The following TMEM272 variants were observed in gnomAD, a reference collection of about 807,000 sequenced individuals.
TMEM272 encodes transmembrane protein 272, also known as long intergenic non-protein coding RNA 282.
TMEM272 carries 8 observed loss-of-function variants against 3.7 expected under a neutral mutation model. That is an observed-to-expected ratio of 2.17 (90% CI 1.27 to 3.91). The LOEUF is 3.91. TMEM272 is among the 30% of genes most tolerant of loss of function. The pLI is 0.00. For synonymous variants in TMEM272, 63 were observed against 39.8 expected (o/e 1.58, Z -2.20); for missense variants, 166 against 91.5 (o/e 1.81, Z -3.32).
intron 4 of TMEM272, among the ~76,000 whole-genome samples, chr13:51,818,106 C>T (rs572896033): frequency 1.5e-4 from 23 of 152,308 alleles, no homozygotes; most frequent in African/African-American, 5.5e-4. Context: ...ACCCATCTCT[C>T]CCGAGGCCAC....
Position 51,814,995 on chromosome 13 carries a change from T to C in TMEM272, c.*1756A>G, listed in dbSNP as rs565358840. On this transcript the variant is annotated 3_prime_UTR_variant, in exon 5 of 5. Coordinates refer to ENST00000629372, the MANE Select transcript of TMEM272 (RefSeq NM_001351003.2). The stretch of plus-strand genomic sequence containing the variant: ...GGCCCAGGTCTTTGCTGCTCACAGA[T>C]GTCCAAGCATTGGCTAAGTGACTGG... 6.5e-6 allele frequency: 1 copy of C among 152,856 alleles called. No homozygotes were observed. Among genetic ancestry groups the C allele is most frequent in the South Asian group, 2.1e-4 (1 of 4,828 alleles). The allele number at this position is 152,856 out of a possible 1,614,324, so 9.5% of individuals were successfully genotyped here.
chr13:51,886,100 CCTTT>C, the TMEM272 span, among the ~76,000 whole-genome samples: 3 of 152,124 alleles, frequency 2.0e-5, no homozygotes, highest in Non-Finnish European at 2.9e-5. Flanking sequence ...CCATCATTCT[CCTTT>C]ATTTGTGTAC....
intron 4 of TMEM272, among the ~76,000 whole-genome samples, chr13:51,821,617 A>C (rs1461988619): frequency 6.6e-6 from 1 of 150,462 alleles, no homozygotes; most frequent in Non-Finnish European, 1.5e-5. Flanking sequence ...TAAATCAAAC[A>C]TATTTTAACC....
At chr13:51,910,488 A>G in the TMEM272 span, 1 of 758,860 alleles carries the variant, frequency 1.3e-6, no homozygotes, top group East Asian at 2.5e-5. Flanking sequence ...AGCTGCACAT[A>G]TCACCAATTC....
the TMEM272 span, among the ~76,000 whole-genome samples, chr13:51,885,921 A>G: frequency 1.3e-5 from 2 of 152,236 alleles, no homozygotes; most frequent in Non-Finnish European, 2.9e-5. Flanking sequence ...CTAAAAATAT[A>G]GCGAGGGCCA....
chr13:51,906,791 A>G, the TMEM272 span, among the ~76,000 whole-genome samples: 3 of 152,210 alleles, frequency 2.0e-5, no homozygotes, highest in East Asian at 5.8e-4. Flanking sequence ...CTCCTCTAGA[A>G]GTACAAACAG....
rs1406091811 is a variant in TMEM272 at position 51,816,806 on chromosome 13, C to T, written c.509G>A (p.Cys170Tyr). 1.4e-6 allele frequency: 1 copy of T among 702,986 alleles called. No homozygotes were observed. Among genetic ancestry groups the T allele is most frequent in the African/African-American group, 1.7e-5 (1 of 57,374 alleles). The allele number at this position is 702,986 out of a possible 1,614,324, so 43.5% of individuals were successfully genotyped here. ...GGAGCACAGGTAGACACAGCCGCTG[C>T]ACAGCAGGAGCAAGACCAGCACAGT... ...SHTVLVLLLLCSGCVYLCSRW... is the reference protein window; with the variant it reads ...SHTVLVLLLLYSGCVYLCSRW... Residue 170 changes from cysteine to tyrosine, a missense_variant, in exon 5 of 5, where the codon TGC becomes TAC. Coordinates refer to ENST00000629372, the MANE Select transcript of TMEM272 (RefSeq NM_001351003.2).
chr13:51,884,378 T>C, the TMEM272 span, among the ~76,000 whole-genome samples: 1 of 152,358 alleles, frequency 6.6e-6, no homozygotes, highest in Non-Finnish European at 1.5e-5. Flanking sequence ...TGTGACTTTA[T>C]TTAGATGTCC....
chr13:51,832,571 C>CAAA (rs1344717614), intron 2 of TMEM272, among the ~76,000 whole-genome samples: 2 of 152,118 alleles, frequency 1.3e-5, no homozygotes, highest in Non-Finnish European at 2.9e-5. Flanking sequence ...TTTCCACCTC[C>CAAA]CTGTATCTGT....
chr13:51,826,151 A>G (rs1427482636), intron 3 of TMEM272, among the ~76,000 whole-genome samples: 2 of 151,842 alleles, frequency 1.3e-5, no homozygotes, highest in Non-Finnish European at 2.9e-5. Context: ...AAAAAAAAAA[A>G]AAAAAATGTA....
chr13:51,886,059 C>T, the TMEM272 span, among the ~76,000 whole-genome samples: 1 of 152,200 alleles, frequency 6.6e-6, no homozygotes, highest in African/African-American at 2.4e-5. Context: ...TGTTCAGCTT[C>T]CCCGCCTGGT....
the TMEM272 span, among the ~76,000 whole-genome samples, chr13:51,902,784 C>T: frequency 6.6e-6 from 1 of 152,260 alleles, no homozygotes; most frequent in Non-Finnish European, 1.5e-5. Flanking sequence ...TGTGAAATAA[C>T]AAATATTCAT....
chr13:51,891,634 G>C, the TMEM272 span, among the ~76,000 whole-genome samples: 1 of 152,202 alleles, frequency 6.6e-6, no homozygotes, highest in Non-Finnish European at 1.5e-5. Context: ...CCTGCTTTGT[G>C]CATTATTTTC....
chr13:51,828,857 G>A (rs1030612502), intron 2 of TMEM272, among the ~76,000 whole-genome samples: 6 of 152,302 alleles, frequency 3.9e-5, no homozygotes, highest in African/African-American at 1.2e-4. Flanking sequence ...TAAGCAGGGG[G>A]CTGACAGTCC....
chr13:51,909,271 T>C, the TMEM272 span: 1 of 1,045,324 alleles, frequency 9.6e-7, no homozygotes, highest in Non-Finnish European at 1.5e-6. Context: ...TCATGGTATA[T>C]AATCTTCCCT....
intron 1 of TMEM272, 126 bp from the exon 2 acceptor site, chr13:51,838,679 G>C: frequency 3.0e-6 from 2 of 676,610 alleles, no homozygotes; most frequent in Admixed American, 4.1e-5. Flanking sequence ...GGTGGCCTGG[G>C]TGCCAGTGTC....
chr13:51,861,437 C>A, the TMEM272 span, among the ~76,000 whole-genome samples: 1 of 151,822 alleles, frequency 6.6e-6, no homozygotes, highest in Non-Finnish European at 1.5e-5. Context: ...TACTACATGA[C>A]AAAAATTCTG....
rs117201520 is a variant in TMEM272 at position 51,815,040 on chromosome 13, G to A, written c.*1711C>T. 6.5e-6 allele frequency: 1 copy of A among 152,702 alleles called. No homozygotes were observed. 9.5% of individuals were successfully genotyped at this position (152,702 alleles called of 1,614,324 possible). On this transcript the variant is annotated 3_prime_UTR_variant, in exon 5 of 5. Coordinates refer to ENST00000629372, the MANE Select transcript of TMEM272 (RefSeq NM_001351003.2). ...GACTGGGAATGGCTGACGAGTCATGGACTGGGGAAAGGAGGGTGGGAGAGG... is the reference window on the plus strand; with the variant it reads ...GACTGGGAATGGCTGACGAGTCATGAACTGGGGAAAGGAGGGTGGGAGAGG...
chr13:51,907,063 G>A, the TMEM272 span, among the ~76,000 whole-genome samples: 1 of 152,222 alleles, frequency 6.6e-6, no homozygotes, highest in Non-Finnish European at 1.5e-5. Context: ...CTCCCAACGT[G>A]AGCAGGGATC....
Sources: gnomAD v4.1 joint callset for allele counts (sites outside exome capture counted in the v4.1 genomes callset) on GRCh38, gnomAD v4.1.1 for gene constraint, MANE v1.5 for transcripts, NCBI Gene and HGNC (gene_info 2026-07-23, HGNC 2026-07-21) for gene names.